The following LRBA variants were observed in gnomAD, a reference collection of about 807,000 sequenced individuals.
LRBA encodes lipopolysaccharide-responsive and beige-like anchor protein.
LRBA carries 176 observed loss-of-function variants against 330.0 expected under a neutral mutation model. That is an observed-to-expected ratio of 0.53 (90% confidence interval 0.47 to 0.60). The LOEUF (loss-of-function observed/expected upper bound fraction) is 0.60. LRBA is among the 20% of genes least tolerant of loss of function. LRBA has a pLI of 0.00. For missense variants in LRBA, 3,259 were observed against 3,444.8 expected (o/e 0.95, Z 1.35); for synonymous variants, 1,230 against 1,193.0 (o/e 1.03, Z -0.64).
chr4:150,761,683 G>C lies in LRBA; in HGVS notation c.5645+100C>G, dbSNP rs1049607494. The stretch of plus-strand genomic sequence containing the variant: ...TCAGAGCTCCATTACATTACTGACT[G>C]AACAAACAGTAAATACAGAACCCAA... On this transcript the variant is annotated intron_variant, in intron 35 of 56. Transcript: ENST00000651943. The C allele has an allele frequency of 7.6e-6, 5 of 656,630 alleles. No homozygotes were observed. The Admixed American group carries it at 9.5e-5, about 13-fold the overall frequency. The allele number at this position is 656,630 out of a possible 1,614,324, so 40.7% of individuals were successfully genotyped here. A position where few individuals can be genotyped will look rare whatever the true frequency, so the allele number is the denominator to read the frequency against.
At chr4:150,665,960 A>G (rs191189263) in intron 37 of LRBA, among the ~76,000 whole-genome samples, 1 of 152,362 alleles carries the variant, frequency 6.6e-6, no homozygotes, top group Non-Finnish European at 1.5e-5. Context: ...GAGTGAAAGA[A>G]GACAAAAAAG....
chr4:150,274,648 C>T (rs1746527111), intron 56 of LRBA, among the ~76,000 whole-genome samples: 1 of 152,190 alleles, frequency 6.6e-6, no homozygotes, highest in Admixed American at 6.5e-5. Context: ...AAACTACCAT[C>T]AGAGAATACT....
chr4:150,449,050 A>G (rs1265987884), intron 44 of LRBA, among the ~76,000 whole-genome samples: 4 of 152,228 alleles, frequency 2.6e-5, no homozygotes, highest in East Asian at 3.9e-4. Context: ...GATATGATTT[A>G]CAGTTACTGG....
intron 47 of LRBA, among the ~76,000 whole-genome samples, chr4:150,390,559 T>A (rs1001491581): frequency 2.0e-5 from 3 of 152,172 alleles, no homozygotes; most frequent in Admixed American, 2.0e-4. Context: ...CACATATTTC[T>A]TATTCCATAG....
chr4:150,661,327 G>A (rs950402400), intron 37 of LRBA, among the ~76,000 whole-genome samples: 69 of 151,328 alleles, frequency 4.6e-4, no homozygotes, highest in African/African-American at 1.6e-3. Context: ...CTGGTGTGGC[G>A]GCAGGCACCT....
In LRBA at chr4:150,764,230, T is replaced by C. The variant is rs570592625; in HGVS notation, c.5581-2383A>G. Among the ~76,000 whole-genome samples, 15 of 152,148 alleles carry C rather than the reference T, an allele frequency of 9.9e-5. No individual in the cohort carries two copies. The South Asian group carries it at 3.1e-3, about 32-fold the overall frequency. On this transcript the variant is annotated intron_variant, in intron 34 of 56. Coordinates refer to ENST00000651943, the MANE Select transcript of LRBA (RefSeq NM_001364905.1). ...ATCTTTAGATTAGTCATTTTACTTT[T>C]AAAAGTATCCACTGTCAGGAAAACG...
At chr4:150,809,829 C>T (rs1268660112) in intron 31 of LRBA, among the ~76,000 whole-genome samples, 1 of 151,288 alleles carries the variant, frequency 6.6e-6, no homozygotes, top group Admixed American at 6.6e-5. Flanking sequence ...GCCTGAGTGA[C>T]AAAGCAAGAC....
At chr4:150,525,207 T>A (rs916384788) in intron 40 of LRBA, among the ~76,000 whole-genome samples, 4 of 152,144 alleles carry the variant, frequency 2.6e-5, no homozygotes, top group African/African-American at 7.2e-5. Flanking sequence ...GTGTATAGTC[T>A]GCATATTTAA....
intron 38 of LRBA, among the ~76,000 whole-genome samples, chr4:150,591,254 T>C (rs537697691): frequency 6.6e-6 from 1 of 152,270 alleles, no homozygotes; most frequent in African/African-American, 2.4e-5. Context: ...CTCCAAACAA[T>C]GTTATACTGA....
rs113021431 is a variant in LRBA at position 150,920,848 on chromosome 4, C to T, written c.645+350G>A. Among the ~76,000 whole-genome samples, 964 of 151,582 alleles carry T rather than the reference C, an allele frequency of 6.4e-3. 11 individuals carry two copies. The highest frequency in any genetic ancestry group is 0.022 in the African/African-American group (917 of 41,462). On this transcript the variant is annotated intron_variant, in intron 5 of 56. Transcript: ENST00000651943. ...TATACACAAGGTACAAAAAAAAAGACAGGTAGAGTAATGAAAGGCAAGAGA... is the reference window on the plus strand; with the variant it reads ...TATACACAAGGTACAAAAAAAAAGATAGGTAGAGTAATGAAAGGCAAGAGA...
intron 40 of LRBA, among the ~76,000 whole-genome samples, chr4:150,575,394 AAC>A (rs932543880): frequency 6.6e-6 from 1 of 151,956 alleles, no homozygotes; most frequent in Non-Finnish European, 1.5e-5. Flanking sequence ...CATTAAAAAT[AAC>A]ACAAAGTCCA....
chr4:150,470,598 C>T (rs979628337), intron 43 of LRBA, among the ~76,000 whole-genome samples: 4 of 152,010 alleles, frequency 2.6e-5, no homozygotes, highest in Non-Finnish European at 5.9e-5. Flanking sequence ...GAAAGTCTGC[C>T]GGCACAGTAA....
intron 37 of LRBA, among the ~76,000 whole-genome samples, chr4:150,599,576 T>C (rs2126513045): frequency 6.6e-6 from 1 of 152,322 alleles, no homozygotes; most frequent in Admixed American, 6.5e-5. Context: ...CCCCCTTCAT[T>C]TTTCTTCCTA....
At chr4:150,578,876 C>A (rs1733332088) in intron 40 of LRBA, among the ~76,000 whole-genome samples, 1 of 152,196 alleles carries the variant, frequency 6.6e-6, no homozygotes, top group African/African-American at 2.4e-5. Flanking sequence ...TAGCCCAGCA[C>A]CACAGCTCTG....
At chr4:150,775,452 AACAC>A (rs200525703) in intron 34 of LRBA, among the ~76,000 whole-genome samples, 2,663 of 33,750 alleles carry the variant, frequency 0.079, 57 homozygotes, top group Middle Eastern at 0.19. Flanking sequence ...TCTGCAATGG[AACAC>A]ACACACACAC....
At chr4:150,895,002 A>G (rs2127107647) in intron 16 of LRBA, among the ~76,000 whole-genome samples, 1 of 152,282 alleles carries the variant, frequency 6.6e-6, no homozygotes, top group Non-Finnish European at 1.5e-5. Context: ...CTGAATTAAC[A>G]AAGAGATCCA....
chr4:150,563,692 G>GAT (rs1255160805), intron 40 of LRBA, among the ~76,000 whole-genome samples: 4 of 152,084 alleles, frequency 2.6e-5, no homozygotes, highest in African/African-American at 9.7e-5. Flanking sequence ...AAAGTCTCAG[G>GAT]ATACGAAATC....
intron 35 of LRBA, among the ~76,000 whole-genome samples, chr4:150,751,282 C>A (rs1346870227): frequency 6.6e-6 from 1 of 152,054 alleles, no homozygotes; most frequent in Non-Finnish European, 1.5e-5. Flanking sequence ...TCTTTTCCTT[C>A]ACAATTTACA....
chr4:150,990,416 T>C (rs1741941192), intron 2 of LRBA, among the ~76,000 whole-genome samples: 1 of 152,102 alleles, frequency 6.6e-6, no homozygotes, highest in South Asian at 2.1e-4. Flanking sequence ...AACACTCCAG[T>C]GTTAAGGCAA....
Sources: gnomAD v4.1 joint callset for allele counts (sites outside exome capture counted in the v4.1 genomes callset) on GRCh38, gnomAD v4.1.1 for gene constraint, MANE v1.5 for transcripts, NCBI Gene and HGNC (gene_info 2026-07-23, HGNC 2026-07-21) for gene names.